The following COL21A1 variants were observed in gnomAD, a reference collection of about 807,000 sequenced individuals.
COL21A1 encodes collagen alpha-1(XXI) chain.
A neutral mutation model predicts 137.9 loss-of-function variants in COL21A1; 149 were observed. The observed-to-expected ratio is 1.08, with a 90% CI of 0.95 to 1.24. The LOEUF (loss-of-function observed/expected upper bound fraction) is 1.24, where lower values mean the gene tolerates loss of function less well. Among genes scored for constraint, COL21A1 ranks in the 50% most tolerant of loss-of-function variants. COL21A1 has a pLI of 0.00. For synonymous variants in COL21A1, 456 were observed against 391.5 expected, an observed-to-expected ratio of 1.16 and a Z score of -1.95; for missense variants, 1,167 against 1,158.4, an observed-to-expected ratio of 1.01 and a Z score of -0.11.
chr6:56,295,322 C>T (rs1005247983), intron 1 of COL21A1, among the ~76,000 whole-genome samples: 1 of 152,000 alleles, frequency 6.6e-6, no homozygotes, highest in African/African-American at 2.4e-5. Flanking sequence ...GTTCTTTCAC[C>T]AGTACCACAC....
At chr6:56,297,139 G>A (rs183007167) in intron 1 of COL21A1, among the ~76,000 whole-genome samples, 1 of 152,048 alleles carries the variant, frequency 6.6e-6, no homozygotes, top group African/African-American at 2.4e-5. Context: ...TAAAGGAGGG[G>A]AATTAAATGC....
chr6:56,083,567 G>A (rs2114164299), intron 17 of COL21A1, among the ~76,000 whole-genome samples: 1 of 151,928 alleles, frequency 6.6e-6, no homozygotes, highest in East Asian at 1.9e-4. Context: ...TTAAATTATG[G>A]CTATCTTTGG....
At chr6:56,129,693 TGTGTGTGA>T (rs145771503) in intron 12 of COL21A1, among the ~76,000 whole-genome samples, 10 of 113,764 alleles carry the variant, frequency 8.8e-5, no homozygotes, top group South Asian at 2.8e-4. Flanking sequence ...TGTGTGTGTG[TGTGTGTGA>T]GAGAGAGAGA....
chr6:56,391,797 C>A (rs559135211), intron 1 of COL21A1, among the ~76,000 whole-genome samples: 1 of 152,164 alleles, frequency 6.6e-6, no homozygotes, highest in Admixed American at 6.5e-5. Flanking sequence ...AACCTACCAA[C>A]ATGGAACCAT....
chr6:56,200,611 T>C (rs1779322711), intron 1 of COL21A1, among the ~76,000 whole-genome samples: 1 of 151,978 alleles, frequency 6.6e-6, no homozygotes, highest in South Asian at 2.1e-4. Flanking sequence ...GCTTCATTCA[T>C]GTCCCTACAA....
chr6:56,223,106 G>T (rs1295139629), intron 1 of COL21A1, among the ~76,000 whole-genome samples: 1 of 151,732 alleles, frequency 6.6e-6, no homozygotes, highest in Non-Finnish European at 1.5e-5. Flanking sequence ...AGTCACTTCT[G>T]GGATAAACCG....
intron 1 of COL21A1, among the ~76,000 whole-genome samples, chr6:56,376,644 T>G (rs565045980): frequency 2.6e-4 from 40 of 151,870 alleles, no homozygotes; most frequent in Middle Eastern, 3.4e-3. Flanking sequence ...CTTTTAGAGA[T>G]AGGGGAGAAG....
intron 1 of COL21A1, among the ~76,000 whole-genome samples, chr6:56,242,229 T>A (rs1198705670): frequency 6.6e-6 from 1 of 152,122 alleles, no homozygotes; most frequent in Non-Finnish European, 1.5e-5. Context: ...TTTTAATAAG[T>A]TGTTTCCATT....
intron 1 of COL21A1, among the ~76,000 whole-genome samples, chr6:56,260,435 G>A (rs896291469): frequency 4.6e-5 from 7 of 151,614 alleles, no homozygotes; most frequent in East Asian, 3.9e-4. Flanking sequence ...TTAGCCAGGC[G>A]TGGTGGCATG....
At chr6:56,173,079 T>G (rs1777188294) in intron 3 of COL21A1, among the ~76,000 whole-genome samples, 1 of 152,140 alleles carries the variant, frequency 6.6e-6, no homozygotes, top group Non-Finnish European at 1.5e-5. Flanking sequence ...GTGAGTATAC[T>G]CCTTAATCAA....
intron 1 of COL21A1, among the ~76,000 whole-genome samples, chr6:56,349,189 T>G (rs751928487): frequency 3.9e-5 from 6 of 152,146 alleles, no homozygotes; most frequent in Non-Finnish European, 5.9e-5. Flanking sequence ...ACTGATAAAA[T>G]AAATTTAGTG....
At chr6:56,160,686 G>A (rs1776131854) in intron 9 of COL21A1, among the ~76,000 whole-genome samples, 1 of 152,128 alleles carries the variant, frequency 6.6e-6, no homozygotes, top group Non-Finnish European at 1.5e-5. Flanking sequence ...GTTTGAATTT[G>A]TGCCACAGGA....
intron 1 of COL21A1, among the ~76,000 whole-genome samples, chr6:56,243,107 C>T (rs1316046393): frequency 6.6e-6 from 1 of 152,188 alleles, no homozygotes; most frequent in Non-Finnish European, 1.5e-5. Flanking sequence ...TCTAATATCC[C>T]TAACCATTCT....
At chr6:56,139,140 G>A (rs1379448544) in intron 12 of COL21A1, among the ~76,000 whole-genome samples, 1 of 152,146 alleles carries the variant, frequency 6.6e-6, no homozygotes, top group Non-Finnish European at 1.5e-5. Context: ...CTTCAACAGA[G>A]AGAGGAAGGA....
chr6:56,191,204 A>C (rs9475604), intron 1 of COL21A1, among the ~76,000 whole-genome samples: 3,287 of 152,120 alleles, frequency 0.022, 122 homozygotes, highest in African/African-American at 0.075. Context: ...ATTTAGAAAA[A>C]CCCATTGTCT....
intron 17 of COL21A1, among the ~76,000 whole-genome samples, chr6:56,089,967 C>T (rs1400813067): frequency 6.6e-6 from 1 of 152,140 alleles, no homozygotes; most frequent in Non-Finnish European, 1.5e-5. Context: ...TCTGGCTGGG[C>T]GCAGTGGCTC....
chr6:56,142,743 T>TG, intron 10 of COL21A1, among the ~76,000 whole-genome samples: 1 of 152,362 alleles, frequency 6.6e-6, no homozygotes, highest in South Asian at 2.1e-4. Context: ...ATGGACCACC[T>TG]GGCACCTACA....
rs769094969 is a variant in COL21A1 at position 56,133,843 on chromosome 6, C to T, written c.1543-7694G>A. On this transcript the variant is annotated intron_variant, in intron 12 of 29. Coordinates refer to ENST00000244728, the MANE Select transcript of COL21A1 (RefSeq NM_030820.4). ...TGGCAGCTTCCATGTGGTGTTGACACTGCAGATGCACAGAAGTCAAGAACT... is the reference window on the plus strand; with the variant it reads ...TGGCAGCTTCCATGTGGTGTTGACATTGCAGATGCACAGAAGTCAAGAACT... 8.5e-4 allele frequency among the ~76,000 whole-genome samples: 130 copies of T among 152,202 alleles called. 1 individual carries two copies. The highest frequency in any genetic ancestry group is 1.3e-3 in the Non-Finnish European group (89 of 68,038).
At chr6:56,069,009 G>A in intron 22 of COL21A1, 37 bp downstream of exon 22, 1 of 1,434,454 alleles carries the variant, frequency 7.0e-7, no homozygotes, top group Non-Finnish European at 9.7e-7. Flanking sequence ...GCAAGTAACT[G>A]GTTAAAAGCG....
Sources: gnomAD v4.1 joint callset for allele counts (sites outside exome capture counted in the v4.1 genomes callset) on GRCh38, gnomAD v4.1.1 for gene constraint, MANE v1.5 for transcripts, NCBI Gene and HGNC (gene_info 2026-07-23, HGNC 2026-07-21) for gene names.